The following C8orf34 variants were observed in gnomAD, a reference collection of about 807,000 sequenced individuals.
The protein encoded by C8orf34 is chromosome 8 open reading frame 34.
Under a neutral mutation model 68.3 loss-of-function variants are expected in C8orf34, and 65 were observed. That is an observed-to-expected ratio of 0.95 (90% CI 0.78 to 1.17). The LOEUF (loss-of-function observed/expected upper bound fraction) is 1.17. C8orf34 is among the 50% of genes most tolerant of loss of function. The pLI, the probability that C8orf34 is intolerant of heterozygous loss-of-function variation, is 0.00. For synonymous variants in C8orf34, 244 were observed against 241.2 expected, an observed-to-expected ratio of 1.01 and a Z score of -0.11; for missense variants, 664 against 655.4, an observed-to-expected ratio of 1.01 and a Z score of -0.14.
chr8:68,623,276 G>A (rs1381149288), intron 7 of C8orf34, among the ~76,000 whole-genome samples: 2 of 152,094 alleles, frequency 1.3e-5, no homozygotes, highest in Non-Finnish European at 2.9e-5. Flanking sequence ...TATAGTACCT[G>A]CCTGTAATGC....
At chr8:68,777,535 A>G (rs7464182) in intron 11 of C8orf34, among the ~76,000 whole-genome samples, 73,590 of 151,764 alleles carry the variant, frequency 0.48, 20,323 homozygotes, top group African/African-American at 0.76. Context: ...TGTTCCTCAG[A>G]CTGTGGTCCT....
intron 1 of C8orf34, among the ~76,000 whole-genome samples, chr8:68,428,826 G>A (rs1298773291): frequency 6.6e-6 from 1 of 152,070 alleles, no homozygotes; most frequent in East Asian, 1.9e-4. Context: ...TCATGACAAA[G>A]GCAGTCCTTG....
At chr8:68,787,162 G>A (rs1823867373) in intron 11 of C8orf34, among the ~76,000 whole-genome samples, 2 of 152,152 alleles carry the variant, frequency 1.3e-5, no homozygotes, top group African/African-American at 4.8e-5. Flanking sequence ...CCAAGAATGA[G>A]TGTCAACATT....
At chr8:68,707,482 A>T (rs938730931) in intron 8 of C8orf34, among the ~76,000 whole-genome samples, 2 of 152,210 alleles carry the variant, frequency 1.3e-5, no homozygotes, top group Non-Finnish European at 2.9e-5. Context: ...AGTTTTATTG[A>T]TGCATACAAC....
intron 8 of C8orf34, among the ~76,000 whole-genome samples, chr8:68,677,238 G>T (rs565225670): frequency 6.6e-6 from 1 of 152,158 alleles, no homozygotes; most frequent in Non-Finnish European, 1.5e-5. Flanking sequence ...AATGATAATG[G>T]AAACACACAT....
At chr8:68,419,749 A>G (rs561435989) in intron 1 of C8orf34, among the ~76,000 whole-genome samples, 3 of 147,860 alleles carry the variant, frequency 2.0e-5, no homozygotes, top group Admixed American at 1.4e-4. Context: ...AACACCGCAT[A>G]TTCTCGCTCA....
chr8:68,529,239 A>G (rs867800610), intron 6 of C8orf34, among the ~76,000 whole-genome samples: 1 of 152,056 alleles, frequency 6.6e-6, no homozygotes. Context: ...TATTCCCACC[A>G]CCTATTGAAA....
intron 10 of C8orf34, among the ~76,000 whole-genome samples, chr8:68,755,134 C>A (rs1822817701): frequency 6.6e-6 from 1 of 152,096 alleles, no homozygotes; most frequent in Non-Finnish European, 1.5e-5. Context: ...TTTCGACTTG[C>A]AGTAAATATT....
intron 1 of C8orf34, among the ~76,000 whole-genome samples, chr8:68,432,331 A>G (rs939484446): frequency 9.2e-5 from 14 of 151,916 alleles, no homozygotes; most frequent in African/African-American, 3.4e-4. Flanking sequence ...ATTTTTTGAA[A>G]CAGAGTATCT....
At chr8:68,489,426 T>G (rs1048258642) in intron 5 of C8orf34, among the ~76,000 whole-genome samples, 4 of 152,222 alleles carry the variant, frequency 2.6e-5, no homozygotes, top group African/African-American at 9.7e-5. Flanking sequence ...TTCAGGTGTT[T>G]TTTTGGATTT....
At chr8:68,775,835 C>T (rs1013992942) in intron 10 of C8orf34, among the ~76,000 whole-genome samples, 9 of 152,078 alleles carry the variant, frequency 5.9e-5, no homozygotes, top group African/African-American at 1.2e-4. Flanking sequence ...AAGATCTATA[C>T]GAGATCATGT....
Position 68,744,014 on chromosome 8 carries a change from T to G in C8orf34, c.1404+22577T>G, listed in dbSNP as rs556625387. ...ACAGCTTTGAAGAGAGCAGTGGTTCTCCCAGCATGCAGCTGGAGATCTGAG... is the reference window on the plus strand; with the variant it reads ...ACAGCTTTGAAGAGAGCAGTGGTTCGCCCAGCATGCAGCTGGAGATCTGAG... On this transcript the variant is annotated intron_variant, in intron 10 of 13. Transcript: ENST00000518698. 6.9e-3 allele frequency among the ~76,000 whole-genome samples: 1,047 copies of G among 152,218 alleles called. 10 individuals carry two copies. The highest frequency in any genetic ancestry group is 0.024 in the Middle Eastern group (7 of 294).
At chr8:68,621,604 A>G (rs1176349886) in intron 7 of C8orf34, among the ~76,000 whole-genome samples, 1 of 152,224 alleles carries the variant, frequency 6.6e-6, no homozygotes, top group Non-Finnish European at 1.5e-5. Flanking sequence ...TCTTTAATTC[A>G]TAATTTTGCT....
chr8:68,582,900 G>C (rs553366541), intron 7 of C8orf34, among the ~76,000 whole-genome samples: 5 of 152,174 alleles, frequency 3.3e-5, no homozygotes, highest in African/African-American at 1.2e-4. Flanking sequence ...AGATAACTGG[G>C]AAAATCAGGG....
At chr8:68,548,776 A>G (rs937000838) in intron 7 of C8orf34, among the ~76,000 whole-genome samples, 1 of 151,880 alleles carries the variant, frequency 6.6e-6, no homozygotes, top group Non-Finnish European at 1.5e-5. Flanking sequence ...ACAAATGTCA[A>G]TCATCAGGAG....
At chr8:68,491,576 GC>G (rs1813314331) in intron 5 of C8orf34, among the ~76,000 whole-genome samples, 1 of 152,080 alleles carries the variant, frequency 6.6e-6, no homozygotes, top group African/African-American at 2.4e-5. Flanking sequence ...TCTAACTTCA[GC>G]CAGGAACAAC....
At chr8:68,492,558 C>G (rs566856412) in intron 5 of C8orf34, among the ~76,000 whole-genome samples, 1 of 152,242 alleles carries the variant, frequency 6.6e-6, no homozygotes, top group East Asian at 1.9e-4. Context: ...TTAACAGTCT[C>G]CATGTTGTGG....
At chr8:68,498,115 A>ACGGTG (rs1190336225) in intron 5 of C8orf34, among the ~76,000 whole-genome samples, 1 of 152,212 alleles carries the variant, frequency 6.6e-6, no homozygotes, top group African/African-American at 2.4e-5. Flanking sequence ...GGCATGAGCC[A>ACGGTG]CGGTGCCCAG....
intron 4 of C8orf34, among the ~76,000 whole-genome samples, chr8:68,474,756 G>C (rs948586093): frequency 6.6e-6 from 1 of 152,216 alleles, no homozygotes; most frequent in Non-Finnish European, 1.5e-5. Context: ...GAAGCAGAAA[G>C]AGCCTGTAAA....
Sources: gnomAD v4.1 joint callset for allele counts (sites outside exome capture counted in the v4.1 genomes callset) on GRCh38, gnomAD v4.1.1 for gene constraint, MANE v1.5 for transcripts, NCBI Gene and HGNC (gene_info 2026-07-23, HGNC 2026-07-21) for gene names.